Variants in PDE4B observed in about 807,000 individuals in gnomAD.
The protein encoded by PDE4B is 3',5'-cyclic-AMP phosphodiesterase 4B.
In PDE4B, 20 loss-of-function variants were observed where a neutral mutation model predicts 82.2. The ratio of observed to expected loss-of-function variants is 0.24; its 90% confidence interval spans 0.17 to 0.35. The LOEUF (loss-of-function observed/expected upper bound fraction) is 0.35, where lower values mean the gene tolerates loss of function less well. Ranked by LOEUF, PDE4B falls within the 10% of genes least tolerant of loss-of-function variation. PDE4B has a pLI of 1.00. For missense variants in PDE4B, 655 were observed against 907.2 expected (o/e 0.72, Z 3.57); for synonymous variants, 320 against 318.9 (o/e 1.00, Z -0.04).
chr1:66,151,177 G>T (rs1646385958), intron 3 of PDE4B, among the ~76,000 whole-genome samples: 1 of 152,178 alleles, frequency 6.6e-6, no homozygotes, highest in African/African-American at 2.4e-5. Context: ...ACTTTTCATT[G>T]TTGGGTGTTT....
At chr1:66,245,809 C>T (rs530910147) in intron 3 of PDE4B, among the ~76,000 whole-genome samples, 34 of 152,270 alleles carry the variant, frequency 2.2e-4, no homozygotes, top group Non-Finnish European at 4.7e-4. Flanking sequence ...TTATCAGACA[C>T]CTGGAGTTTG....
Position 65,837,212 on chromosome 1 carries a change from G to A in PDE4B, c.-71+43964G>A, listed in dbSNP as rs72933428. 2.7e-3 allele frequency among the ~76,000 whole-genome samples: 414 copies of A among 151,682 alleles called. 4 individuals are homozygous for A. The highest frequency in any genetic ancestry group is 9.5e-3 in the African/African-American group (392 of 41,336). Reference sequence around the variant, plus strand: ...AGAGATTATTTATATATCATGTATTGTATATACAAAGGACAAAGGGCTTAT... The same window carrying A: ...AGAGATTATTTATATATCATGTATTATATATACAAAGGACAAAGGGCTTAT... On this transcript the variant is annotated intron_variant, in intron 1 of 16. Coordinates refer to ENST00000341517, the MANE Select transcript of PDE4B (RefSeq NM_002600.4).
intron 1 of PDE4B, among the ~76,000 whole-genome samples, chr1:65,844,311 TTA>T (rs1646243983): frequency 6.6e-6 from 1 of 152,166 alleles, no homozygotes; most frequent in South Asian, 2.1e-4. Flanking sequence ...ATCCTACAAT[TTA>T]GCTAGGCAGT....
At chr1:66,371,061 CATATATAT>C (rs5774812) in intron 16 of PDE4B, among the ~76,000 whole-genome samples, 2 of 110,864 alleles carry the variant, frequency 1.8e-5, no homozygotes, top group Non-Finnish European at 3.6e-5. Context: ...ACACATCATA[CATATATAT>C]ATATATATAT....
At chr1:66,112,160 G>T (rs1645501872) in intron 3 of PDE4B, among the ~76,000 whole-genome samples, 1 of 152,086 alleles carries the variant, frequency 6.6e-6, no homozygotes, top group African/African-American at 2.4e-5. Context: ...ACTGAGTCAG[G>T]CTTATGACCT....
At chr1:66,304,067 C>T (rs1303247617) in intron 7 of PDE4B, among the ~76,000 whole-genome samples, 1 of 152,084 alleles carries the variant, frequency 6.6e-6, no homozygotes, top group East Asian at 1.9e-4. Flanking sequence ...AGATACAGAA[C>T]CCAGCATTTA....
chr1:65,878,231 A>G (rs565904608), intron 1 of PDE4B, among the ~76,000 whole-genome samples: 1 of 152,336 alleles, frequency 6.6e-6, no homozygotes, highest in African/African-American at 2.4e-5. Flanking sequence ...TCAGGAAACA[A>G]CAGATGCTGG....
rs566629910 is a variant in PDE4B at position 66,326,211 on chromosome 1, G to A, written c.635-6297G>A. Among the ~76,000 whole-genome samples, 3 of 152,268 alleles carry A rather than the reference G, an allele frequency of 2.0e-5. No individual in the cohort carries two copies. The East Asian group carries it at 5.8e-4, about 29-fold the overall frequency. ...TTTAAACTGGGCTTCCCCTAGATGGGACTATCTGTTGAAAGCCTACATGGA... is the reference window on the plus strand; with the variant it reads ...TTTAAACTGGGCTTCCCCTAGATGGAACTATCTGTTGAAAGCCTACATGGA... On this transcript the variant is annotated intron_variant, in intron 7 of 16. Coordinates refer to ENST00000341517, the MANE Select transcript of PDE4B (RefSeq NM_002600.4).
chr1:66,067,044 A>T (rs1655888975), intron 3 of PDE4B, among the ~76,000 whole-genome samples: 1 of 152,114 alleles, frequency 6.6e-6, no homozygotes, highest in African/African-American at 2.4e-5. Context: ...AAGCTAAGAA[A>T]CCTATAAGAC....
At chr1:66,031,105 T>C (rs1337277897) in intron 3 of PDE4B, among the ~76,000 whole-genome samples, 1 of 152,142 alleles carries the variant, frequency 6.6e-6, no homozygotes, top group Non-Finnish European at 1.5e-5. Flanking sequence ...TATCCTTTAA[T>C]CCATAATAAA....
chr1:66,116,298 G>C (rs1252766815), intron 3 of PDE4B, among the ~76,000 whole-genome samples: 4 of 151,922 alleles, frequency 2.6e-5, no homozygotes, highest in African/African-American at 9.7e-5. Context: ...TTTAGGAAAG[G>C]GTCCATTAAA....
chr1:66,368,698 G>C, intron 15 of PDE4B, 89 bp from the exon 16 acceptor site: 1 of 1,011,836 alleles, frequency 9.9e-7, no homozygotes, highest in South Asian at 2.6e-5. Context: ...CTCGGGTTTA[G>C]TACCAAGCGT....
chr1:65,913,954 A>G (rs771619530), intron 2 of PDE4B, among the ~76,000 whole-genome samples: 1 of 152,190 alleles, frequency 6.6e-6, no homozygotes, highest in Non-Finnish European at 1.5e-5. Context: ...GCCCCGATCT[A>G]AATCATCTGA....
intron 3 of PDE4B, among the ~76,000 whole-genome samples, chr1:66,084,350 A>C (rs181030146): frequency 6.6e-6 from 1 of 152,260 alleles, no homozygotes; most frequent in African/African-American, 2.4e-5. Flanking sequence ...CAGTAAATCT[A>C]TATTTGGTAT....
intron 3 of PDE4B, among the ~76,000 whole-genome samples, chr1:66,164,535 C>CAAAAAAAAAAAAAAAAAAAAAAAAAA (rs10718019): frequency 1.6e-4 from 8 of 48,558 alleles, no homozygotes; most frequent in Non-Finnish European, 1.8e-4. Flanking sequence ...GACTCCGTCT[C>CAAAAAAAAAAAAAAAAAAAAAAAAAA]AAAAAAAAAA....
chr1:66,183,837 C>T (rs1018169979), intron 3 of PDE4B, among the ~76,000 whole-genome samples: 3 of 152,168 alleles, frequency 2.0e-5, no homozygotes, highest in African/African-American at 7.2e-5. Flanking sequence ...CAAGCATCCA[C>T]ACGTACCTTA....
chr1:66,363,548 C>A lies in PDE4B; in HGVS notation c.1261C>A (p.Leu421Ile). The A allele has an allele frequency of 6.2e-7, 1 of 1,612,860 alleles. No homozygotes were observed. Among genetic ancestry groups the A allele is most frequent in the South Asian group, 1.1e-5 (1 of 90,886 alleles). The change falls in exon 12 of 17, where the codon CTC becomes ATC. Residue 421 changes from leucine to isoleucine, a missense_variant. This residue lies in a region of PDE4B where 283 missense variants were observed against 516.4 expected (regional missense o/e 0.55). Transcript: ENST00000341517. ...TGATGTAGCCCAGTCGACCCATGTT[C>A]TCCTTTCTACACCAGCATTAGACGT... ...AADVAQSTHVLLSTPALDAVF... is the reference protein window; with the variant it reads ...AADVAQSTHVILSTPALDAVF...
intron 8 of PDE4B, among the ~76,000 whole-genome samples, chr1:66,344,590 A>C (rs1208177076): frequency 6.6e-6 from 1 of 152,222 alleles, no homozygotes; most frequent in East Asian, 1.9e-4. Context: ...CCTTTAATAC[A>C]GTGCTAAAAT....
intron 3 of PDE4B, among the ~76,000 whole-genome samples, chr1:66,186,049 C>T (rs1647200656): frequency 2.0e-5 from 3 of 152,212 alleles, no homozygotes; most frequent in African/African-American, 7.2e-5. Context: ...CAGCTTTCTA[C>T]ATATGGCTAG....
Sources: gnomAD v4.1 joint callset for allele counts (sites outside exome capture counted in the v4.1 genomes callset) on GRCh38, gnomAD v4.1.1 for gene constraint, gnomAD v4.1.1 regional missense constraint, MANE v1.5 for transcripts, NCBI Gene and HGNC (gene_info 2026-07-23, HGNC 2026-07-21) for gene names.